TIMM44: variants seen among roughly 807,000 people sequenced by gnomAD.
TIMM44 encodes translocase of inner mitochondrial membrane 44, also known as mitochondrial import inner membrane translocase subunit TIM44.
In TIMM44, 37 loss-of-function variants were observed where a neutral mutation model predicts 63.8. That is an observed-to-expected ratio of 0.58 (90% CI 0.45 to 0.76). TIMM44 has a LOEUF of 0.76. Ranked by LOEUF, TIMM44 falls within the 30% of genes least tolerant of loss-of-function variation. The pLI is 0.00. For synonymous variants in TIMM44, 239 were observed against 245.1 expected (o/e 0.98, Z 0.23); for missense variants, 573 against 603.8 (o/e 0.95, Z 0.54).
chr19:7,929,207 G>T (rs1983908970), intron 10 of TIMM44, among the ~76,000 whole-genome samples: 1 of 152,194 alleles, frequency 6.6e-6, no homozygotes, highest in African/African-American at 2.4e-5. Flanking sequence ...ATGGACTCGG[G>T]CAGGGACAGG....
Position 7,934,026 on chromosome 19 carries a change from C to T in TIMM44, c.544-23G>A. 1 of 1,613,684 alleles carries T rather than the reference C, an allele frequency of 6.2e-7. No homozygotes were observed. Reference sequence around the variant, plus strand: ...CCCCTGCGAGGGAGGCACAGCGGGGCTGGGGTGGGTGTCTGGGTTCGGCCG... The same window carrying T: ...CCCCTGCGAGGGAGGCACAGCGGGGTTGGGGTGGGTGTCTGGGTTCGGCCG... On this transcript the variant is annotated intron_variant, in intron 5 of 12. Coordinates refer to ENST00000270538, the MANE Select transcript of TIMM44 (RefSeq NM_006351.4). This position sits in a 1 kb window ranked among gnomAD's most constrained non-coding sequence, Gnocchi z 5.3.
At chr19:7,928,923 C>CAAAAAAAAAAAAAAAAAAAAAAAAAA (rs758167153) in intron 10 of TIMM44, 4 of 70,082 alleles carry the variant, frequency 5.7e-5, no homozygotes, top group South Asian at 5.1e-4. Context: ...AACAAAAAAC[C>CAAAAAAAAAAAAAAAAAAAAAAAAAA]AAAAAAAAAA....
Position 7,935,116 on chromosome 19 carries a change from C to A in TIMM44, c.342G>T (p.Thr114=). ...CAAGCTTCTTCCGTAGCACCTCGCT[C>A]GTCCGCACGGTTTCTGACTCGATGG... ...YKTIESETVR[T]SEVLRKKLGE... The change falls in exon 4 of 13, where the codon ACG becomes ACT. Residue 114 remains threonine (T), a synonymous_variant. Coordinates refer to ENST00000270538, the MANE Select transcript of TIMM44 (RefSeq NM_006351.4). 1 of 1,612,782 alleles carries A rather than the reference C, an allele frequency of 6.2e-7. No individual in the cohort carries two copies. The highest frequency in any genetic ancestry group is 8.5e-7 in the Non-Finnish European group (1 of 1,179,596).
At position 7,943,014 on chromosome 19, in the gene TIMM44, T is replaced by G. The variant is rs1599653509; in HGVS notation, c.45+593A>C. The stretch of plus-strand genomic sequence containing the variant: ...GAGATCGCGCCATTGCACTCCAGAC[T>G]GGGCGACAAGAGCGAAACTCTGTCT... On this transcript the variant is annotated intron_variant, in intron 1 of 12. Transcript: ENST00000270538. The surrounding 1 kb of genome is among the most constrained non-coding windows in gnomAD (Gnocchi z 4.3). 7.7e-6 allele frequency among the ~76,000 whole-genome samples: 1 copy of G among 130,516 alleles called. No homozygotes were observed. The highest frequency in any genetic ancestry group is 8.5e-5 in the Admixed American group (1 of 11,826). 85.6% of individuals were successfully genotyped at this position (130,516 alleles called of 152,430 possible). A position where few individuals can be genotyped will look rare whatever the true frequency, so the allele number is the denominator to read the frequency against.
In TIMM44 at chr19:7,935,313, C is replaced by A; in HGVS notation, c.313-168G>T. ...CCCGAGTAGCTGGGACTACAGGGCCCACCACCATGCCTGGCTAATTTTTGT... is the reference window on the plus strand; with the variant it reads ...CCCGAGTAGCTGGGACTACAGGGCCAACCACCATGCCTGGCTAATTTTTGT... On this transcript the variant is annotated intron_variant, in intron 3 of 12. Coordinates refer to ENST00000270538, the MANE Select transcript of TIMM44 (RefSeq NM_006351.4). 6.3e-6 allele frequency: 4 copies of A among 637,588 alleles called. No homozygotes were observed. The South Asian group carries it at 7.2e-5, about 12-fold the overall frequency. 39.5% of individuals were successfully genotyped at this position (637,588 alleles called of 1,614,324 possible).
In TIMM44 at chr19:7,927,648, C is replaced by T; in HGVS notation, c.1239+9G>A. The T allele has an allele frequency of 1.2e-6, 2 of 1,612,578 alleles. No individual in the cohort carries two copies. The highest frequency in any genetic ancestry group is 1.1e-5 in the South Asian group (1 of 91,078). Reference sequence around the variant, plus strand: ...TCATGTGCCTGCCCCATCCCACTCCCTCACTCACCGGGTCACCCTCCACCA... The same window carrying T: ...TCATGTGCCTGCCCCATCCCACTCCTTCACTCACCGGGTCACCCTCCACCA... On this transcript the variant is annotated intron_variant, in intron 12 of 12. Transcript: ENST00000270538.
intron 10 of TIMM44, among the ~76,000 whole-genome samples, chr19:7,930,354 G>C (rs957351316): frequency 6.8e-5 from 10 of 147,148 alleles, no homozygotes; most frequent in African/African-American, 2.5e-4. Flanking sequence ...TGTTGCCCAG[G>C]CTGAAGTGCA....
At chr19:7,937,565 G>A (rs55696539) in intron 3 of TIMM44, among the ~76,000 whole-genome samples, 14,474 of 152,166 alleles carry the variant, frequency 0.095, 804 homozygotes, top group African/African-American at 0.16. Flanking sequence ...CTGGAGACCC[G>A]CACCTGTCCC....
At chr19:7,935,012 G>A (rs879118937) in intron 4 of TIMM44, 53 bp downstream of exon 4, 19 of 1,534,604 alleles carry the variant, frequency 1.2e-5, no homozygotes, top group South Asian at 5.8e-5. Context: ...AGCCTCCAGC[G>A]GCCAGGGGAC....
chr19:7,934,143 T>A lies in TIMM44; in HGVS notation c.489A>T (p.Val163=), dbSNP rs1220960344. 3 of 1,613,554 alleles carry A rather than the reference T, an allele frequency of 1.9e-6. No homozygotes were observed. Among genetic ancestry groups the A allele is most frequent in the Non-Finnish European group, 2.5e-6 (3 of 1,179,986 alleles). Residue 163 remains valine, a synonymous_variant, in exon 5 of 13, where the codon GTA becomes GTT. Transcript: ENST00000270538. The surrounding 1 kb of genome is among the most constrained non-coding windows in gnomAD (Gnocchi z 5.3). ...AKTAKQSAES[V]SKGGEKLGRT... is the part of the protein sequence containing the mutation. ...TGCCCAGCTTCTCCCCGCCTTTGGA[T>A]ACCGACTCGGCCGACTGCTTGGCCG...
Position 7,933,593 on chromosome 19 carries a change from G to A in TIMM44, c.684-23C>T. 1 of 1,609,144 alleles carries A rather than the reference G, an allele frequency of 6.2e-7. No homozygotes were observed. Among genetic ancestry groups the A allele is most frequent in the Non-Finnish European group, 8.5e-7 (1 of 1,175,654 alleles). On this transcript the variant is annotated intron_variant, in intron 6 of 12. Coordinates refer to ENST00000270538, the MANE Select transcript of TIMM44 (RefSeq NM_006351.4). The surrounding 1 kb of genome is among the most constrained non-coding windows in gnomAD (Gnocchi z 4.3). Reference sequence around the variant, plus strand: ...TCCCTGGGGAAGAGGGTGGGCCCTGGGGTGAGCGGCGGCGCCAGGGCCACC... The same window carrying A: ...TCCCTGGGGAAGAGGGTGGGCCCTGAGGTGAGCGGCGGCGCCAGGGCCACC...
At chr19:7,940,878 A>C (rs1984288582) in intron 2 of TIMM44, among the ~76,000 whole-genome samples, 1 of 151,882 alleles carries the variant, frequency 6.6e-6, no homozygotes, top group Non-Finnish European at 1.5e-5. Flanking sequence ...TTCTGACAGC[A>C]CCTTATCCCC....
Position 7,927,415 on chromosome 19 carries a change from G to C in TIMM44, c.1240-109C>G. The C allele has an allele frequency of 4.3e-6, 6 of 1,392,924 alleles. No individual in the cohort carries two copies. The South Asian group carries it at 7.0e-5, about 16-fold the overall frequency. The allele number at this position is 1,392,924 out of a possible 1,614,324, so 86.3% of individuals were successfully genotyped here. ...AGGAGCCACCGGCAACTTCCCCAGG[G>C]GCTGGGAGCAGAGGCCAGCACAATT... On this transcript the variant is annotated intron_variant, in intron 12 of 12. Transcript: ENST00000270538.
chr19:7,942,214 G>GCACACACCTGTAGTCC lies in TIMM44; in HGVS notation c.46-1033_46-1018dup, dbSNP rs1210872740. On this transcript the variant is annotated intron_variant, in intron 1 of 12. Coordinates refer to ENST00000270538, the MANE Select transcript of TIMM44 (RefSeq NM_006351.4). ...ATACAAAAATTAGCCGGGCGTGGTG[G>GCACACACCTGTAGTCC]CACACACCTGTAGTCCCACACACCT... 7.9e-5 allele frequency among the ~76,000 whole-genome samples: 12 copies of GCACACACCTGTAGTCC among 152,268 alleles called. 1 individual carries two copies. The highest frequency in any genetic ancestry group is 2.6e-4 in the African/African-American group (11 of 41,540).
chr19:7,943,090 A>C lies in TIMM44; in HGVS notation c.45+517T>G, dbSNP rs550615174. ...AGAAAAAACGAAGAGCACGAGCAATATGAAGTACTACTTTCTGAGTGCGCC... is the reference window on the plus strand; with the variant it reads ...AGAAAAAACGAAGAGCACGAGCAATCTGAAGTACTACTTTCTGAGTGCGCC... On this transcript the variant is annotated intron_variant, in intron 1 of 12. Coordinates refer to ENST00000270538, the MANE Select transcript of TIMM44 (RefSeq NM_006351.4). This position sits in a 1 kb window ranked among gnomAD's most constrained non-coding sequence, Gnocchi z 4.3. Among the ~76,000 whole-genome samples, 5 of 151,922 alleles carry C rather than the reference A, an allele frequency of 3.3e-5. No individual in the cohort carries two copies. In the East Asian group the frequency reaches 9.7e-4, roughly 30 times the overall value.
chr19:7,930,665 TC>T lies in TIMM44; in HGVS notation c.1038+472del, dbSNP rs1300491530. ...GATCTTGCTATGTTTCCCAGGCTAG[TC>T]TTGAATGCTTGGGCTCAAGCAATCT... is the stretch of plus-strand genomic sequence containing the variant. On this transcript the variant is annotated intron_variant, in intron 10 of 12. Coordinates refer to ENST00000270538, the MANE Select transcript of TIMM44 (RefSeq NM_006351.4). Among the ~76,000 whole-genome samples the T allele has an allele frequency of 2.6e-5, 4 of 152,142 alleles. No homozygotes were observed. The East Asian group carries it at 5.8e-4, about 22-fold the overall frequency.
intron 11 of TIMM44, 89 bp downstream of exon 11, chr19:7,927,988 A>C: frequency 7.5e-7 from 1 of 1,333,502 alleles, no homozygotes; most frequent in Non-Finnish European, 1.1e-6. Context: ...CATGGCCCCC[A>C]GCCCCTGGCA....
chr19:7,943,641 G>A lies in TIMM44; in HGVS notation c.11C>T (p.Ala4Val). Residue 4 changes from alanine (A) to valine (V), a missense_variant, in exon 1 of 13, where the codon GCG becomes GTG. By Grantham distance (64) the Ala-to-Val change is moderately conservative (BLOSUM62 0). Transcript: ENST00000270538. The surrounding 1 kb of genome is among the most constrained non-coding windows in gnomAD (Gnocchi z 4.3). MAA[A>V]ALRSGWCRCP... is the part of the protein sequence containing the mutation. ...GCGGCACCAGCCACTCCGCAGGGCC[G>A]CCGCCGCCATGTTGGAGAATCGTGT... 4.5e-6 allele frequency: 7 copies of A among 1,566,950 alleles called. No homozygotes were observed. In the Middle Eastern group the frequency reaches 5.0e-4, roughly 112 times the overall value.
chr19:7,935,167 C>CTTTTTTT, intron 3 of TIMM44, 22 bp from the exon 4 acceptor site: 10 of 1,254,002 alleles, frequency 8.0e-6, no homozygotes, highest in African/African-American at 1.8e-5. Context: ...GCGCTGTGTC[C>CTTTTTTT]TTTTTTTTTT....
Sources: gnomAD v4.1 joint callset for allele counts (sites outside exome capture counted in the v4.1 genomes callset) on GRCh38, gnomAD v4.1.1 for gene constraint, Gnocchi (gnomAD v3.1) non-coding constraint, MANE v1.5 for transcripts, NCBI Gene and HGNC (gene_info 2026-07-23, HGNC 2026-07-21) for gene names.